Variants in SLFN14 observed in about 807,000 individuals in gnomAD.
SLFN14 encodes the protein schlafen family member 14, also known as protein SLFN14.
A neutral mutation model predicts 58.6 loss-of-function variants in SLFN14; 47 were observed. The observed-to-expected ratio is 0.80, with a 90% CI of 0.64 to 1.02. The LOEUF (loss-of-function observed/expected upper bound fraction) is 1.02, where lower values mean the gene tolerates loss of function less well. SLFN14 is among the 50% of genes least tolerant of loss of function. The probability of loss-of-function intolerance (pLI) is 0.00; values close to 1 mark genes in which losing one functional copy is unlikely to be tolerated. For missense variants in SLFN14, 967 were observed against 1,078.4 expected (o/e 0.90, Z 1.45); for synonymous variants, 390 against 387.3 (o/e 1.01, Z -0.08).
rs1257657278 is a variant in SLFN14 at position 35,557,237 on chromosome 17, C to A, written c.826G>T (p.Glu276Ter). 5 of 1,551,594 alleles carry A rather than the reference C, an allele frequency of 3.2e-6. No individual in the cohort carries two copies. The highest frequency in any genetic ancestry group is 4.4e-6 in the Non-Finnish European group (5 of 1,147,004). The change falls in exon 3 of 6, where the codon GAA (glutamate) becomes TAA (stop). Residue 276 changes from glutamate to a stop codon, truncating the protein, a stop_gained. Transcript: ENST00000674182. LOFTEE classifies it high-confidence loss of function. Reference protein sequence around the residue: ...LLKKEIENCIEKLPTFHFCCE... With the variant: ...LLKKEIENCI Reference sequence around the variant, plus strand: ...CAGAAGTGGAATGTAGGCAATTTTTCTATGCAGTTTTCGATTTCTTTTTTT... The same window carrying A: ...CAGAAGTGGAATGTAGGCAATTTTTATATGCAGTTTTCGATTTCTTTTTTT...
In SLFN14 at chr17:35,557,197, T is replaced by C; in HGVS notation, c.866A>G (p.Lys289Arg). 3 of 1,551,750 alleles carry C rather than the reference T, an allele frequency of 1.9e-6. No homozygotes were observed. Among genetic ancestry groups the C allele is most frequent in the Non-Finnish European group, 2.6e-6 (3 of 1,146,998 alleles). ...CAGGATTTTTGTAGTGAAATTTACCTTTGGCTTCTCACAGCAGAAGTGGAA... is the reference window on the plus strand; with the variant it reads ...CAGGATTTTTGTAGTGAAATTTACCCTTGGCTTCTCACAGCAGAAGTGGAA... The part of the protein sequence containing the change: ...PTFHFCCEKP[K>R]VNFTTKILNV... Residue 289 changes from lysine to arginine, a missense_variant, in exon 3 of 6, where the codon AAG becomes AGG. Transcript: ENST00000674182.
At chr17:35,551,383 C>T (rs536361384) in intron 5 of SLFN14, among the ~76,000 whole-genome samples, 6 of 152,240 alleles carry the variant, frequency 3.9e-5, no homozygotes, top group East Asian at 3.9e-4. Flanking sequence ...CTCAGCCTAT[C>T]GTTGTTTGAA....
rs992274832 is a variant in SLFN14, at chr17:35,553,135, C to G, written c.1499G>C (p.Gly500Ala). ...GATGCACACTTTCCCTGTGTAACCACCAACAGTTTGCAGTTTCTGCTTTAA... is the reference window on the plus strand; with the variant it reads ...GATGCACACTTTCCCTGTGTAACCAGCAACAGTTTGCAGTTTCTGCTTTAA... Reference protein sequence around the residue: ...HQLKQKLQTVGGYTGKVCIIP... With the variant: ...HQLKQKLQTVAGYTGKVCIIP... The change falls in exon 5 of 6, where the codon GGT (glycine) becomes GCT (alanine). Residue 500 changes from glycine to alanine, a missense_variant. Coordinates refer to ENST00000674182, the MANE Select transcript of SLFN14 (RefSeq NM_001129820.2). The G allele has an allele frequency of 6.4e-7, 1 of 1,551,568 alleles. No homozygotes were observed. Among genetic ancestry groups the G allele is most frequent in the Admixed American group, 2.0e-5 (1 of 50,974 alleles).
Position 35,557,156 on chromosome 17 carries a change from C to G in SLFN14, c.907G>C (p.Asp303His), listed in dbSNP as rs1036148354. Reference sequence around the variant, plus strand: ...ACACAGACATAACCATCCAGGACATCTTTTTGGTACACATTCAGGATTTTT... The same window carrying G: ...ACACAGACATAACCATCCAGGACATGTTTTTGGTACACATTCAGGATTTTT... ...TTKILNVYQK[D>H]VLDGYVCVIQ... The change falls in exon 3 of 6, where the codon GAT becomes CAT. Residue 303 changes from aspartate (D) to histidine (H), a missense_variant. Physicochemically the swap from Asp to His is moderately conservative, Grantham distance 81. Coordinates refer to ENST00000674182, the MANE Select transcript of SLFN14 (RefSeq NM_001129820.2). 6.4e-6 allele frequency: 10 copies of G among 1,551,610 alleles called. No individual in the cohort carries two copies. The highest frequency in any genetic ancestry group is 2.0e-5 in the Admixed American group (1 of 50,982).
rs1311878397 is a variant in SLFN14, at chr17:35,548,649, G to T, written c.2329C>A (p.Gln777Lys). ...ETAYEEATCA[Q>K]ALPGVCETKT... is the part of the protein sequence containing the mutation. ...GTCTCACACACCCCAGGCAGAGCCT[G>T]GGCACACGTTGCTTCCTCATAGGCA... The change falls in exon 6 of 6, where the codon CAG becomes AAG. Residue 777 changes from glutamine to lysine, a missense_variant. By Grantham distance (53) the Gln-to-Lys change is moderately conservative (BLOSUM62 1). Coordinates refer to ENST00000674182, the MANE Select transcript of SLFN14 (RefSeq NM_001129820.2). 8.4e-6 allele frequency: 13 copies of T among 1,551,630 alleles called. No homozygotes were observed.
chr17:35,548,316 CCT>C lies in SLFN14; in HGVS notation c.2660_2661del (p.Glu887GlyfsTer4). On this transcript the variant is annotated frameshift_variant, in exon 6 of 6. Coordinates refer to ENST00000674182, the MANE Select transcript of SLFN14 (RefSeq NM_001129820.2). LOFTEE classifies it high-confidence loss of function. ...GAAGCAAAGCAGAGCTTATGAAATT[CCT>C]CTGACTGGTCACATTCTGGACTAAG... ...FGLSPECDQS[E>X]EFHKLCFASR... 6.4e-7 allele frequency: 1 copy of C among 1,551,676 alleles called. No individual in the cohort carries two copies. Among genetic ancestry groups the C allele is most frequent in the Admixed American group, 2.0e-5 (1 of 50,998 alleles).
Position 35,552,918 on chromosome 17 carries a change from T to C in SLFN14, c.1716A>G (p.Ile572Met). ...QMGCEFFNLL[I>M]MEQSQLLSES... ...CAGAAAGCAACTGGCTCTGCTCCAT[T>C]ATGAGCAAGTTGAAAAATTCACAGC... Residue 572 changes from isoleucine (I) to methionine (M), a missense_variant, in exon 5 of 6, where the codon ATA becomes ATG. Physicochemically the swap from Ile to Met is conservative, Grantham distance 10. Transcript: ENST00000674182. 2 of 1,551,580 alleles carry C rather than the reference T, an allele frequency of 1.3e-6. No homozygotes were observed. Among genetic ancestry groups the C allele is most frequent in the Non-Finnish European group, 1.7e-6 (2 of 1,146,978 alleles).
Position 35,557,882 on chromosome 17 carries a change from T to C in SLFN14, c.181A>G (p.Lys61Glu). The C allele has an allele frequency of 6.4e-7, 1 of 1,551,760 alleles. No homozygotes were observed. The highest frequency in any genetic ancestry group is 8.7e-7 in the Non-Finnish European group (1 of 1,147,004). The change falls in exon 3 of 6, where the codon AAA (lysine) becomes GAA (glutamate). Residue 61 changes from lysine (K) to glutamate (E), a missense_variant. Lys to Glu is a moderately conservative substitution (Grantham distance 56). Coordinates refer to ENST00000674182, the MANE Select transcript of SLFN14 (RefSeq NM_001129820.2). Reference sequence around the variant, plus strand: ...TAGGTTTTATCATCAATCTCTGCTTTGATCACACCACCTCCAGAATTTAAC... The same window carrying C: ...TAGGTTTTATCATCAATCTCTGCTTCGATCACACCACCTCCAGAATTTAAC... ...ALLNSGGGVI[K>E]AEIDDKTYSY...
In SLFN14 at chr17:35,554,750, TAAAAAA is replaced by T. The variant is rs10578465; in HGVS notation, c.1061-52_1061-47del. ...TTGTTTCAGACAAAAAATAAAAAGTTAAAAAAAAAAAAAAAAAAGCCTCTTTTTTTG... is the reference window on the plus strand; with the variant it reads ...TTGTTTCAGACAAAAAATAAAAAGTTAAAAAAAAAAAAGCCTCTTTTTTTG... On this transcript the variant is annotated intron_variant, in intron 3 of 5. Transcript: ENST00000674182. The T allele has an allele frequency of 2.6e-4, 269 of 1,044,922 alleles. 1 individual carries two copies. In the South Asian group the frequency reaches 2.8e-3, roughly 11 times the overall value. 64.7% of individuals were successfully genotyped at this position (1,044,922 alleles called of 1,614,324 possible). A position where few individuals can be genotyped will look rare whatever the true frequency, so the allele number is the denominator to read the frequency against.
intron 2 of SLFN14, 49 bp from the exon 3 acceptor site, chr17:35,558,155 G>T (rs1452329957): frequency 4.4e-6 from 5 of 1,138,824 alleles, no homozygotes; most frequent in Non-Finnish European, 6.1e-6. Context: ...GAATTCCAAA[G>T]ATTACAATAT....
Position 35,548,340 on chromosome 17 carries a change from TA to T in SLFN14, c.2637del (p.Ser880ValfsTer39). On this transcript the variant is annotated frameshift_variant, in exon 6 of 6. Coordinates refer to ENST00000674182, the MANE Select transcript of SLFN14 (RefSeq NM_001129820.2). LOFTEE classifies it high-confidence loss of function. ...TCCTCTGACTGGTCACATTCTGGACTAAGCCCAAACACGACAGTCCTCTCCA... is the reference window on the plus strand; with the variant it reads ...TCCTCTGACTGGTCACATTCTGGACTAGCCCAAACACGACAGTCCTCTCCA... ...SGLERTVVFGLSPECDQSEEF... is the reference protein window; with the variant it reads ...SGLERTVVFGXSPECDQSEEF... The T allele has an allele frequency of 2.6e-6, 4 of 1,551,728 alleles. No individual in the cohort carries two copies. The highest frequency in any genetic ancestry group is 3.5e-6 in the Non-Finnish European group (4 of 1,146,978).
intron 5 of SLFN14, among the ~76,000 whole-genome samples, chr17:35,551,566 G>A (rs952567728): frequency 7.9e-5 from 12 of 152,076 alleles, no homozygotes; most frequent in African/African-American, 1.9e-4. Context: ...TGGCACTGGC[G>A]GTATCACAAC....
At position 35,548,221 on chromosome 17, in the gene SLFN14, T is replaced by C. The variant is rs1160492695; in HGVS notation, c.*18A>G. ...GGACTCTGCTCTTCCTGTCTTCCTC[T>C]ATTATTTGTAATAATTTTCAGTAGG... On this transcript the variant is annotated 3_prime_UTR_variant, in exon 6 of 6. Coordinates refer to ENST00000674182, the MANE Select transcript of SLFN14 (RefSeq NM_001129820.2). 1 of 1,546,516 alleles carries C rather than the reference T, an allele frequency of 6.5e-7. No individual in the cohort carries two copies. The highest frequency in any genetic ancestry group is 8.7e-7 in the Non-Finnish European group (1 of 1,143,702).
In SLFN14 at chr17:35,544,910, A is replaced by C. The variant is rs2072523548; in HGVS notation, c.*3329T>G. Among the ~76,000 whole-genome samples the C allele has an allele frequency of 6.6e-6, 1 of 152,220 alleles. No homozygotes were observed. Among genetic ancestry groups the C allele is most frequent in the Non-Finnish European group, 1.5e-5 (1 of 68,036 alleles). On this transcript the variant is annotated 3_prime_UTR_variant, in exon 6 of 6. Coordinates refer to ENST00000674182, the MANE Select transcript of SLFN14 (RefSeq NM_001129820.2). The stretch of plus-strand genomic sequence containing the variant: ...TATATTACCCTTCTTTTTAAAAGTA[A>C]GTTTTAGAAGCTTCTCACAGTTTCT...
intron 2 of SLFN14, among the ~76,000 whole-genome samples, chr17:35,558,851 G>A (rs370563656): frequency 6.6e-6 from 1 of 152,076 alleles, no homozygotes; most frequent in African/African-American, 2.4e-5. Flanking sequence ...GGGGAAGAAA[G>A]GAAGGCACTA....
intron 3 of SLFN14, 147 bp downstream of exon 3, chr17:35,556,856 G>A: frequency 1.3e-6 from 1 of 769,964 alleles, no homozygotes; most frequent in Non-Finnish European, 2.0e-6. Context: ...AACTAAAAAT[G>A]TTAGATAAGG....
chr17:35,548,365 C>G lies in SLFN14; in HGVS notation c.2613G>C (p.Leu871=). The change falls in exon 6 of 6, where the codon CTG becomes CTC. Residue 871 remains leucine, a synonymous_variant. Coordinates refer to ENST00000674182, the MANE Select transcript of SLFN14 (RefSeq NM_001129820.2). ...VLDSIQQFSG[L]ERTVVFGLSP... ...TAAGCCCAAACACGACAGTCCTCTC[C>G]AGGCCTGAAAATTGCTGAATACTGT... The G allele has an allele frequency of 6.4e-7, 1 of 1,551,728 alleles. No individual in the cohort carries two copies. Among genetic ancestry groups the G allele is most frequent in the Non-Finnish European group, 8.7e-7 (1 of 1,147,000 alleles).
In SLFN14 at chr17:35,547,891, G is replaced by C. The variant is rs1247192327; in HGVS notation, c.*348C>G. Among the ~76,000 whole-genome samples the C allele has an allele frequency of 6.6e-6, 1 of 152,200 alleles. No homozygotes were observed. Among genetic ancestry groups the C allele is most frequent in the African/African-American group, 2.4e-5 (1 of 41,440 alleles). ...CCTTGAAAATTGGTTAGGTTTGAAG[G>C]CTGTGGGGACTCATTGAAGATATGT... On this transcript the variant is annotated 3_prime_UTR_variant, in exon 6 of 6. Coordinates refer to ENST00000674182, the MANE Select transcript of SLFN14 (RefSeq NM_001129820.2).
intron 4 of SLFN14, 32 bp downstream of exon 4, chr17:35,554,544 T>C (rs1184302148): frequency 8.7e-6 from 13 of 1,499,700 alleles, no homozygotes; most frequent in Non-Finnish European, 1.2e-5. Context: ...AGAAAACAAA[T>C]AGTCCCCTAA....
Sources: gnomAD v4.1 joint callset for allele counts (sites outside exome capture counted in the v4.1 genomes callset) on GRCh38, gnomAD v4.1.1 for gene constraint, MANE v1.5 for transcripts, NCBI Gene and HGNC (gene_info 2026-07-23, HGNC 2026-07-21) for gene names.